IFT172: variants seen among roughly 807,000 people sequenced by gnomAD.
IFT172 encodes the protein intraflagellar transport protein 172 homolog.
IFT172 carries 164 observed loss-of-function variants against 248.9 expected under a neutral mutation model. The observed-to-expected ratio is 0.66, with a 90% confidence interval of 0.58 to 0.75. The LOEUF is 0.75. Among genes scored for constraint, IFT172 ranks in the 30% least tolerant of loss-of-function variants. The probability of loss-of-function intolerance (pLI) is 0.00; values close to 1 mark genes in which losing one functional copy is unlikely to be tolerated. For synonymous variants in IFT172, 729 were observed against 791.6 expected, an observed-to-expected ratio of 0.92 and a Z score of 1.33; for missense variants, 1,950 against 2,192.4, an observed-to-expected ratio of 0.89 and a Z score of 2.21.
intron 18 of IFT172, among the ~76,000 whole-genome samples, chr2:27,463,718 G>A (rs758351452): frequency 6.6e-5 from 10 of 152,122 alleles, no homozygotes; most frequent in South Asian, 2.1e-4. Context: ...TGACATTTGA[G>A]CTGAGACCTG....
Position 27,478,070 on chromosome 2 carries a change from T to C in IFT172, c.1092A>G (p.Gly364=), listed in dbSNP as rs575297457. ...GYEVEEVKIL[G]KERYLVAHTS... is the part of the protein sequence containing the mutation. ...TGTGAGCCACCAAGTAACGTTCCTTTCCTAGGATTTTCACCTCTTCCACCT... is the reference window on the plus strand; with the variant it reads ...TGTGAGCCACCAAGTAACGTTCCTTCCCTAGGATTTTCACCTCTTCCACCT... Residue 364 remains glycine, a synonymous_variant, in exon 11 of 48, where the codon GGA becomes GGG. Transcript: ENST00000260570. 3.7e-6 allele frequency: 6 copies of C among 1,614,156 alleles called. No homozygotes were observed. The African/African-American group carries it at 6.7e-5, about 18-fold the overall frequency.
chr2:27,472,378 G>A lies in IFT172; in HGVS notation c.1412-16C>T. 1.9e-6 allele frequency: 3 copies of A among 1,600,078 alleles called. No individual in the cohort carries two copies. The highest frequency in any genetic ancestry group is 1.7e-4 in the Middle Eastern group (1 of 6,026). On this transcript the variant is annotated splice_polypyrimidine_tract_variant and intron_variant, in intron 14 of 47. Coordinates refer to ENST00000260570, the MANE Select transcript of IFT172 (RefSeq NM_015662.3). ...ATCAGATCCACTATAGAATAAAGGA[G>A]ACAGGGTTAAGAAGAGAGATTCCAC...
chr2:27,453,505 T>C lies in IFT172; in HGVS notation c.3830A>G (p.Glu1277Gly), dbSNP rs772708860. ...GTGTCGAGCTTGTTCCACAAATCCCTCCACACCCCTGTGGAGATGAGAGCG... is the reference window on the plus strand; with the variant it reads ...GTGTCGAGCTTGTTCCACAAATCCCCCCACACCCCTGTGGAGATGAGAGCG... ...EATKKGARGV[E>G]GFVEQARHWE... The change falls in exon 35 of 48, where the codon GAG (glutamate) becomes GGG (glycine). Residue 1277 changes from glutamate (E) to glycine (G), a missense_variant. Transcript: ENST00000260570. 1 of 1,614,078 alleles carries C rather than the reference T, an allele frequency of 6.2e-7. No homozygotes were observed. The highest frequency in any genetic ancestry group is 1.1e-5 in the South Asian group (1 of 91,074).
chr2:27,468,023 G>C (rs1667240570), intron 16 of IFT172, among the ~76,000 whole-genome samples: 1 of 151,692 alleles, frequency 6.6e-6, no homozygotes, highest in Non-Finnish European at 1.5e-5. Context: ...AGCTGGGTGT[G>C]GTGGCATGCG....
In IFT172 at chr2:27,457,877, T is replaced by C; in HGVS notation, c.3075A>G (p.Pro1025=). 1 of 1,614,222 alleles carries C rather than the reference T, an allele frequency of 6.2e-7. No homozygotes were observed. Among genetic ancestry groups the C allele is most frequent in the South Asian group, 1.1e-5 (1 of 91,082 alleles). The change falls in exon 28 of 48, where the codon CCA becomes CCG. Residue 1025 remains proline (P), a synonymous_variant. Coordinates refer to ENST00000260570, the MANE Select transcript of IFT172 (RefSeq NM_015662.3). ...GTAGGTGTGTATCACTGAGGAGATCTGGATGGTGCTTCCCTACCAGGCGGA... is the reference window on the plus strand; with the variant it reads ...GTAGGTGTGTATCACTGAGGAGATCCGGATGGTGCTTCCCTACCAGGCGGA... ...DMIRLVGKHH[P]DLLSDTHLHL...
chr2:27,481,444 C>CACACACAT (rs1208756390), intron 7 of IFT172, among the ~76,000 whole-genome samples, 184 bp from the exon 8 acceptor site: 2 of 150,430 alleles, frequency 1.3e-5, no homozygotes, highest in African/African-American at 5.0e-5. Flanking sequence ...CACACACACA[C>CACACACAT]ACACACACAT....
chr2:27,482,260 G>T (rs1031694585), intron 7 of IFT172, among the ~76,000 whole-genome samples: 1 of 151,914 alleles, frequency 6.6e-6, no homozygotes, highest in African/African-American at 2.4e-5. Context: ...TGGGATTACA[G>T]GAGTGAGACA....
At chr2:27,488,111 C>A (rs1668893476) in intron 1 of IFT172, among the ~76,000 whole-genome samples, 2 of 151,884 alleles carry the variant, frequency 1.3e-5, no homozygotes, top group Non-Finnish European at 2.9e-5. Context: ...GTGACCCCAG[C>A]AGCTGGGCCT....
chr2:27,486,527 A>C (rs925319826), intron 1 of IFT172, among the ~76,000 whole-genome samples: 4 of 152,194 alleles, frequency 2.6e-5, no homozygotes, highest in Non-Finnish European at 5.9e-5. Context: ...TGGACACTAG[A>C]GTTCTGGCTT....
intron 20 of IFT172, among the ~76,000 whole-genome samples, chr2:27,462,296 G>C (rs369717427): frequency 3.3e-4 from 50 of 152,248 alleles, no homozygotes; most frequent in Non-Finnish European, 6.2e-4. Context: ...GCCTCCCAGC[G>C]TGCTGGGATT....
chr2:27,482,293 ATTCT>A (rs1668442386), intron 7 of IFT172, among the ~76,000 whole-genome samples: 1 of 148,294 alleles, frequency 6.7e-6, no homozygotes, highest in Admixed American at 6.7e-5. Flanking sequence ...TATACAAGTA[ATTCT>A]TTTTTTTTTT....
intron 3 of IFT172, 30 bp downstream of exon 3, chr2:27,484,988 G>A (rs755066433): frequency 1.7e-5 from 21 of 1,249,370 alleles, no homozygotes; most frequent in Middle Eastern, 3.7e-4. Context: ...TCTTTCCTGG[G>A]CCATCCCATC....
chr2:27,458,677 G>A, intron 26 of IFT172, 102 bp downstream of exon 26: 1 of 1,354,688 alleles, frequency 7.4e-7, no homozygotes, highest in Middle Eastern at 2.6e-4. Flanking sequence ...CTCTTTGTCA[G>A]CTTTCAGGGA....
In IFT172 at chr2:27,453,488, C is replaced by T; in HGVS notation, c.3847G>A (p.Ala1283Thr). The T allele has an allele frequency of 6.2e-7, 1 of 1,614,216 alleles. No individual in the cohort carries two copies. Among genetic ancestry groups the T allele is most frequent in the South Asian group, 1.1e-5 (1 of 91,086 alleles). Residue 1283 changes from alanine (A) to threonine (T), a missense_variant, in exon 35 of 48, where the codon GCT becomes ACT. Transcript: ENST00000260570. ...ARGVEGFVEQ[A>T]RHWEQAGEYS... The stretch of plus-strand genomic sequence containing the variant: ...TCTCCAGCCTGCTCCCAGTGTCGAG[C>T]TTGTTCCACAAATCCCTCCACACCC...
intron 10 of IFT172, 101 bp downstream of exon 10, chr2:27,479,408 G>A (rs1281663763): frequency 2.7e-6 from 2 of 743,772 alleles, no homozygotes; most frequent in Non-Finnish European, 4.9e-6. Flanking sequence ...GAGGGATGAA[G>A]ATTAAATTTG....
chr2:27,462,073 C>T (rs538103140), intron 20 of IFT172, among the ~76,000 whole-genome samples: 13 of 152,268 alleles, frequency 8.5e-5, no homozygotes, highest in South Asian at 2.1e-4. Flanking sequence ...ACTCTGTTGC[C>T]GAGGCTGAAG....
At chr2:27,483,199 T>A (rs935226495) in intron 7 of IFT172, 90 bp downstream of exon 7, 1 of 778,826 alleles carries the variant, frequency 1.3e-6, no homozygotes. Context: ...GTTTTTTTGG[T>A]AGAGACAGGG....
At chr2:27,489,437 T>TC (rs1669004049) in intron 1 of IFT172, among the ~76,000 whole-genome samples, 178 bp downstream of exon 1, 1 of 152,172 alleles carries the variant, frequency 6.6e-6, no homozygotes, top group South Asian at 2.1e-4. Flanking sequence ...AAGCTACAAG[T>TC]CCTTAGCCCT....
At chr2:27,446,145 T>C (rs1412703347) in intron 43 of IFT172, 115 bp downstream of exon 43, 5 of 1,324,320 alleles carry the variant, frequency 3.8e-6, no homozygotes, top group African/African-American at 1.5e-5. Flanking sequence ...GAGGACTACA[T>C]CCTCCGTAAC....
Sources: allele counts gnomAD v4.1 joint callset (sites outside exome capture counted in the v4.1 genomes callset), GRCh38; gene constraint gnomAD v4.1.1; transcripts MANE v1.5; gene names NCBI Gene and HGNC (gene_info 2026-07-23, HGNC 2026-07-21).